Variants in MAP3K13 observed in about 807,000 individuals in gnomAD.
MAP3K13 encodes mitogen-activated protein kinase kinase kinase 13, also known as leucine zipper-bearing kinase.
MAP3K13 carries 52 observed loss-of-function variants against 104.0 expected under a neutral mutation model. The observed-to-expected ratio is 0.50, with a 90% CI of 0.40 to 0.63. MAP3K13 has a LOEUF of 0.63. Ranked by LOEUF, MAP3K13 falls within the 20% of genes least tolerant of loss-of-function variation. MAP3K13 has a pLI of 0.00. For missense variants in MAP3K13, 914 were observed against 1,218.5 expected, an observed-to-expected ratio of 0.75 and a Z score of 3.72; for synonymous variants, 394 against 442.2, an observed-to-expected ratio of 0.89 and a Z score of 1.37.
rs1215561614 is a variant in MAP3K13, at chr3:185,315,531, T to C, written c.-86+29888T>C. Among the ~76,000 whole-genome samples the C allele has an allele frequency of 6.6e-6, 1 of 152,152 alleles. No homozygotes were observed. Among genetic ancestry groups the C allele is most frequent in the Non-Finnish European group, 1.5e-5 (1 of 68,024 alleles). ...GAGAACGACTGCATTAGAAAAATCATGGGAAAAAATATGGAAATACATAAT... is the reference window on the plus strand; with the variant it reads ...GAGAACGACTGCATTAGAAAAATCACGGGAAAAAATATGGAAATACATAAT... On this transcript the variant is annotated intron_variant, in intron 2 of 14. Transcript: ENST00000424227. This position sits in a 1 kb window ranked among gnomAD's most constrained non-coding sequence, Gnocchi z 4.3.
chr3:185,340,573 C>T (rs902880201), intron 2 of MAP3K13, among the ~76,000 whole-genome samples: 1 of 152,110 alleles, frequency 6.6e-6, no homozygotes, highest in Non-Finnish European at 1.5e-5. Flanking sequence ...ATAAGGACAC[C>T]AGTCACTGGA....
intron 4 of MAP3K13, 101 bp downstream of exon 4, chr3:185,443,737 T>C: frequency 1.0e-6 from 1 of 988,354 alleles, no homozygotes; most frequent in Non-Finnish European, 1.6e-6. Flanking sequence ...ATACCTTTAG[T>C]TCAGTTTCAA....
chr3:185,359,314 A>G (rs970753310), upstream of MAP3K13, among the ~76,000 whole-genome samples: 3 of 152,116 alleles, frequency 2.0e-5, no homozygotes, highest in East Asian at 1.9e-4. Flanking sequence ...CCATGATTCA[A>G]TTACCCCCCA....
chr3:185,390,924 A>G (rs1712014950), intron 1 of MAP3K13, among the ~76,000 whole-genome samples: 1 of 151,914 alleles, frequency 6.6e-6, no homozygotes, highest in South Asian at 2.1e-4. Context: ...CTGGGCCGAT[A>G]TTTTCCTTTC....
chr3:185,310,494 G>C (rs981435910), intron 2 of MAP3K13, among the ~76,000 whole-genome samples: 2 of 152,202 alleles, frequency 1.3e-5, no homozygotes, highest in African/African-American at 4.8e-5. Flanking sequence ...GGAACAAGTA[G>C]AAAAAGTAGG....
rs1385033157 is a variant in MAP3K13 at position 185,486,696 on chromosome 3, CTGTTTT to C, written c.*4242_*4247del. On this transcript the variant is annotated 3_prime_UTR_variant, in exon 14 of 14. Transcript: ENST00000265026. ...ATGAATGTCCATGTTCCGTTAGCGT[CTGTTTT>C]TAACTGACTGCAAGATGATGAGTTT... The C allele has an allele frequency of 6.6e-6, 1 of 152,224 alleles. No individual in the cohort carries two copies. Among genetic ancestry groups the C allele is most frequent in the Non-Finnish European group, 1.5e-5 (1 of 68,040 alleles). The allele number at this position is 152,224 out of a possible 1,614,324, so 9.4% of individuals were successfully genotyped here.
At chr3:185,453,742 C>A (rs553854429) in intron 7 of MAP3K13, among the ~76,000 whole-genome samples, 150 of 146,860 alleles carry the variant, frequency 1.0e-3, no homozygotes, top group African/African-American at 3.6e-3. Flanking sequence ...GCACTCCACC[C>A]TGGGGGACAA....
intron 1 of MAP3K13, among the ~76,000 whole-genome samples, chr3:185,388,124 C>CAA (rs561501305): frequency 0.017 from 2,341 of 137,188 alleles, 58 homozygotes; most frequent in African/African-American, 0.058. Context: ...CAATTGCTAC[C>CAA]AAAAAAAAAA....
intron 2 of MAP3K13, chr3:185,293,171 G>A (rs995133889): frequency 9.5e-5 from 41 of 429,356 alleles, no homozygotes; most frequent in Non-Finnish European, 1.2e-4. Flanking sequence ...AGGCTGGAGT[G>A]TAGTGGCGCA....
chr3:185,472,173 GCTT>G (rs1717835027), intron 10 of MAP3K13, among the ~76,000 whole-genome samples: 1 of 150,720 alleles, frequency 6.6e-6, no homozygotes, highest in Non-Finnish European at 1.5e-5. Context: ...GCTCCTGTGG[GCTT>G]CGTCTTCAAC....
At chr3:185,365,837 T>C in intron 1 of MAP3K13, among the ~76,000 whole-genome samples, 2 of 96,910 alleles carry the variant, frequency 2.1e-5, no homozygotes, top group African/African-American at 4.3e-5. Context: ...CTTCCCTCCC[T>C]ACCTCTTTCT....
At chr3:185,470,730 C>G (rs1269859176) in intron 10 of MAP3K13, among the ~76,000 whole-genome samples, 1 of 152,184 alleles carries the variant, frequency 6.6e-6, no homozygotes, top group Non-Finnish European at 1.5e-5. Flanking sequence ...TCAAAAAATA[C>G]TGTAACATAA....
At chr3:185,286,144 T>C (rs1255037745) in intron 2 of MAP3K13, among the ~76,000 whole-genome samples, 2 of 152,094 alleles carry the variant, frequency 1.3e-5, no homozygotes, top group Non-Finnish European at 2.9e-5. Context: ...ATTTTTTCTT[T>C]CTTCTTCTTT....
At chr3:185,465,941 C>A in intron 9 of MAP3K13, 78 bp downstream of exon 9, 2 of 1,036,994 alleles carry the variant, frequency 1.9e-6, no homozygotes, top group Non-Finnish European at 3.0e-6. Flanking sequence ...TTCCATGTTG[C>A]TGCTACTCAG....
chr3:185,413,916 G>T (rs894023385), intron 1 of MAP3K13, among the ~76,000 whole-genome samples: 6 of 152,146 alleles, frequency 3.9e-5, no homozygotes, highest in African/African-American at 1.4e-4. Context: ...TTTAGTTATT[G>T]CTAAGAATTC....
chr3:185,457,751 C>A (rs553209577), intron 7 of MAP3K13, among the ~76,000 whole-genome samples: 2 of 152,310 alleles, frequency 1.3e-5, no homozygotes, highest in Non-Finnish European at 2.9e-5. Context: ...AGCTCCAAAT[C>A]TGCTATTTTG....
At position 185,449,982 on chromosome 3, in the gene MAP3K13, G is replaced by A. The variant is rs772434014; in HGVS notation, c.1093G>A (p.Val365Ile). 4 of 1,613,612 alleles carry A rather than the reference G, an allele frequency of 2.5e-6. No homozygotes were observed. In the East Asian group the frequency reaches 6.7e-5, roughly 27 times the overall value. ...DVDSSAIIWGVGSNSLHLPVP... is the reference protein window; with the variant it reads ...DVDSSAIIWGIGSNSLHLPVP... ...AGATTCTTCAGCCATTATCTGGGGT[G>A]TTGGAAGCAACAGCCTCCACCTTCC... The change falls in exon 6 of 14, where the codon GTT becomes ATT. Residue 365 changes from valine (V) to isoleucine (I), a missense_variant. Transcript: ENST00000265026.
intron 10 of MAP3K13, among the ~76,000 whole-genome samples, chr3:185,470,390 A>C (rs1717706384): frequency 6.6e-6 from 1 of 152,108 alleles, no homozygotes; most frequent in African/African-American, 2.4e-5. Flanking sequence ...CAGGCCTCTG[A>C]TTTTCTTTTG....
At chr3:185,434,447 T>G (rs1401475280) in intron 2 of MAP3K13, among the ~76,000 whole-genome samples, 1 of 152,220 alleles carries the variant, frequency 6.6e-6, no homozygotes, top group Admixed American at 6.5e-5. Flanking sequence ...CAAAATCCTT[T>G]TGGACAGAAT....
Sources: gnomAD v4.1 joint callset for allele counts (sites outside exome capture counted in the v4.1 genomes callset) on GRCh38, gnomAD v4.1.1 for gene constraint, Gnocchi (gnomAD v3.1) non-coding constraint, MANE v1.5 for transcripts, NCBI Gene and HGNC (gene_info 2026-07-23, HGNC 2026-07-21) for gene names.